Variants in GPHN observed in about 807,000 individuals in gnomAD.
The protein encoded by GPHN is gephyrin.
GPHN carries 17 observed loss-of-function variants against 95.5 expected under a neutral mutation model. The observed-to-expected ratio is 0.18, with a 90% CI of 0.12 to 0.27. The LOEUF is 0.27. GPHN is among the 10% of genes least tolerant of loss of function. The pLI, the probability that GPHN is intolerant of heterozygous loss-of-function variation, is 1.00. For synonymous variants in GPHN, 320 were observed against 322.5 expected, an observed-to-expected ratio of 0.99 and a Z score of 0.08; for missense variants, 660 against 978.1, an observed-to-expected ratio of 0.67 and a Z score of 4.34.
At chr14:67,657,624 C>A in the GPHN span, among the ~76,000 whole-genome samples, 31,073 of 143,040 alleles carry the variant, frequency 0.22, 3,623 homozygotes, top group East Asian at 0.45. Context: ...ACACACACAC[C>A]CAAAATCAAA....
At chr14:66,631,163 C>G (rs1370218551) in intron 1 of GPHN, among the ~76,000 whole-genome samples, 1 of 151,922 alleles carries the variant, frequency 6.6e-6, no homozygotes, top group Non-Finnish European at 1.5e-5. Context: ...AGTCTTCGTC[C>G]TCAGCCTCCT....
the GPHN span, among the ~76,000 whole-genome samples, chr14:67,324,337 A>AAT: frequency 4.9e-4 from 74 of 152,340 alleles, no homozygotes; most frequent in African/African-American, 1.7e-3. Context: ...ACATGTTATT[A>AAT]ATAAGACAGC....
chr14:67,705,672 A>G, the GPHN span, among the ~76,000 whole-genome samples: 1 of 152,214 alleles, frequency 6.6e-6, no homozygotes, highest in Non-Finnish European at 1.5e-5. Flanking sequence ...TCATTGTTCT[A>G]AGGTTATTTA....
At chr14:67,583,738 C>T in the GPHN span, 12 of 1,608,166 alleles carry the variant, frequency 7.5e-6, no homozygotes, top group African/African-American at 1.6e-4. Context: ...GCTTCTACCA[C>T]AGGTAGAATA....
rs114573359 is a variant in GPHN, at chr14:66,773,845, T to G, written c.144-2619T>G. On this transcript the variant is annotated intron_variant, in intron 2 of 22. Transcript: ENST00000478722. Reference sequence around the variant, plus strand: ...CCTTGGATTCCAGAAGTGCTGGGATTATTGGCGTGAGCCAGTGAACCTAGC... The same window carrying G: ...CCTTGGATTCCAGAAGTGCTGGGATGATTGGCGTGAGCCAGTGAACCTAGC... Among the ~76,000 whole-genome samples, 71 of 152,274 alleles carry G rather than the reference T, an allele frequency of 4.7e-4. 1 individual carries two copies. Among genetic ancestry groups the G allele is most frequent in the Middle Eastern group, 6.8e-3 (2 of 292 alleles).
chr14:66,801,740 T>C (rs12893799), intron 3 of GPHN, among the ~76,000 whole-genome samples: 121 of 117,778 alleles, frequency 1.0e-3, no homozygotes, highest in Non-Finnish European at 1.1e-3. Flanking sequence ...GCCAGCACAA[T>C]ATTGGGTCTT....
the GPHN span, among the ~76,000 whole-genome samples, chr14:67,710,555 T>G: frequency 6.6e-6 from 1 of 152,146 alleles, no homozygotes; most frequent in East Asian, 1.9e-4. Flanking sequence ...CACAATATTC[T>G]TTTTCATATG....
At chr14:67,656,695 A>G in the GPHN span, 4 of 1,250,034 alleles carry the variant, frequency 3.2e-6, no homozygotes, top group Non-Finnish European at 4.3e-6. Flanking sequence ...AGTGAGCAAT[A>G]ATTTTCATTC....
intron 4 of GPHN, among the ~76,000 whole-genome samples, chr14:66,833,896 A>G (rs1242501769): frequency 6.6e-6 from 1 of 152,166 alleles, no homozygotes; most frequent in African/African-American, 2.4e-5. Context: ...ATAAAATTAC[A>G]AACTTTATAA....
At chr14:66,831,613 T>C (rs186682198) in intron 4 of GPHN, among the ~76,000 whole-genome samples, 2 of 152,310 alleles carry the variant, frequency 1.3e-5, no homozygotes, top group African/African-American at 4.8e-5. Flanking sequence ...AATTTAAATA[T>C]TAGTGCTACT....
intron 9 of GPHN, among the ~76,000 whole-genome samples, chr14:67,001,433 T>C (rs182235940): frequency 6.6e-6 from 1 of 151,660 alleles, no homozygotes; most frequent in African/African-American, 2.4e-5. Flanking sequence ...TTTATACTTA[T>C]AGTTCCAGCT....
At chr14:66,889,831 G>T (rs1332046992) in intron 5 of GPHN, among the ~76,000 whole-genome samples, 1 of 151,800 alleles carries the variant, frequency 6.6e-6, no homozygotes, top group Non-Finnish European at 1.5e-5. Flanking sequence ...AGCTAAAGTT[G>T]GTTCTTCAAA....
intron 3 of GPHN, among the ~76,000 whole-genome samples, chr14:66,802,914 G>A (rs1260832449): frequency 2.6e-5 from 4 of 152,048 alleles, no homozygotes; most frequent in African/African-American, 9.7e-5. Context: ...TGCATCCTGG[G>A]GTTAGGGGAG....
chr14:67,640,665 C>T, the GPHN span, among the ~76,000 whole-genome samples: 4 of 152,166 alleles, frequency 2.6e-5, no homozygotes, highest in Non-Finnish European at 5.9e-5. Flanking sequence ...CCCACCAATA[C>T]CAGGACCCTA....
At chr14:66,550,509 C>A (rs1229242326) in intron 1 of GPHN, among the ~76,000 whole-genome samples, 1 of 152,158 alleles carries the variant, frequency 6.6e-6, no homozygotes, top group Non-Finnish European at 1.5e-5. Context: ...GTTGAAGTGA[C>A]AACAAAGGGT....
the GPHN span, chr14:67,571,290 T>C: frequency 6.2e-6 from 1 of 162,050 alleles, no homozygotes; most frequent in South Asian, 1.7e-4. Context: ...CTTCTAAAAA[T>C]GCCTTACACA....
chr14:66,618,410 A>G (rs1040740963), intron 1 of GPHN, among the ~76,000 whole-genome samples: 1 of 152,146 alleles, frequency 6.6e-6, no homozygotes, highest in Non-Finnish European at 1.5e-5. Context: ...TTTGTGTTGA[A>G]TTTTTAAATC....
At chr14:67,305,444 T>C in the GPHN span, among the ~76,000 whole-genome samples, 3 of 152,302 alleles carry the variant, frequency 2.0e-5, no homozygotes, top group African/African-American at 7.2e-5. Flanking sequence ...CACATCCGGC[T>C]AATTTTTTTG....
chr14:66,967,771 A>C (rs1449645134), intron 9 of GPHN, among the ~76,000 whole-genome samples: 1 of 151,936 alleles, frequency 6.6e-6, no homozygotes, highest in Non-Finnish European at 1.5e-5. Context: ...AGAAGAAATG[A>C]AAATGTTATG....
Sources: allele counts gnomAD v4.1 joint callset (sites outside exome capture counted in the v4.1 genomes callset), GRCh38; gene constraint gnomAD v4.1.1; transcripts MANE v1.5; gene names NCBI Gene and HGNC (gene_info 2026-07-23, HGNC 2026-07-21).